FHIT: variants seen among roughly 807,000 people sequenced by gnomAD.
FHIT encodes the protein fragile histidine triad diadenosine triphosphatase.
A neutral mutation model predicts 17.9 loss-of-function variants in FHIT; 19 were observed. The observed-to-expected ratio is 1.06, with a 90% confidence interval of 0.74 to 1.56. The LOEUF is 1.56. FHIT is among the 40% of genes most tolerant of loss of function. The pLI, the probability that FHIT is intolerant of heterozygous loss-of-function variation, is 0.00. For missense variants in FHIT, 248 were observed against 189.2 expected, an observed-to-expected ratio of 1.31 and a Z score of -1.82; for synonymous variants, 81 against 69.7, an observed-to-expected ratio of 1.16 and a Z score of -0.81.
chr3:60,344,028 C>A (rs1333559978), intron 5 of FHIT, among the ~76,000 whole-genome samples: 1 of 152,206 alleles, frequency 6.6e-6, no homozygotes. Flanking sequence ...AGTTATCCAA[C>A]AGAAGCTGGC....
At chr3:60,397,872 G>A (rs144445419) in intron 5 of FHIT, among the ~76,000 whole-genome samples, 19 of 152,048 alleles carry the variant, frequency 1.2e-4, no homozygotes, top group East Asian at 7.7e-4. Flanking sequence ...ACACTGCCAC[G>A]CCCACCTTTG....
chr3:60,896,098 C>T (rs1322833850), intron 3 of FHIT, among the ~76,000 whole-genome samples: 2 of 152,020 alleles, frequency 1.3e-5, no homozygotes, highest in African/African-American at 4.8e-5. Context: ...TTGTGAACTG[C>T]GCATACTCAT....
At chr3:60,124,194 A>G (rs115897554) in intron 5 of FHIT, among the ~76,000 whole-genome samples, 2,903 of 151,006 alleles carry the variant, frequency 0.019, 98 homozygotes, top group African/African-American at 0.066. Context: ...CTGGGATTAC[A>G]GGCATGAACC....
intron 4 of FHIT, among the ~76,000 whole-genome samples, chr3:60,785,598 T>C (rs1553726657): frequency 6.6e-6 from 1 of 152,138 alleles, no homozygotes; most frequent in African/African-American, 2.4e-5. Context: ...AGACAGCAAT[T>C]GAGCTATTCC....
At chr3:60,130,214 C>A (rs1158492732) in intron 5 of FHIT, among the ~76,000 whole-genome samples, 1 of 152,182 alleles carries the variant, frequency 6.6e-6, no homozygotes, top group East Asian at 1.9e-4. Flanking sequence ...TGATACGTGC[C>A]ATGTAATATC....
At chr3:61,092,506 T>A (rs912337851) in intron 2 of FHIT, among the ~76,000 whole-genome samples, 5 of 152,006 alleles carry the variant, frequency 3.3e-5, no homozygotes, top group East Asian at 1.9e-4. Flanking sequence ...CTTAAAAATA[T>A]ATATATATAT....
intron 1 of FHIT, among the ~76,000 whole-genome samples, chr3:61,239,778 T>TATATATATATATATAC: frequency 6.9e-6 from 1 of 144,390 alleles, no homozygotes; most frequent in South Asian, 2.2e-4. Flanking sequence ...TATATATATA[T>TATATATATATATATAC]ATATATACAC....
chr3:60,405,695 C>A (rs538971959), intron 5 of FHIT, among the ~76,000 whole-genome samples: 1 of 152,302 alleles, frequency 6.6e-6, no homozygotes, highest in African/African-American at 2.4e-5. Flanking sequence ...TGCATACCAC[C>A]AAACATCTAG....
chr3:60,509,154 T>A (rs1248365807), intron 5 of FHIT, among the ~76,000 whole-genome samples: 2 of 152,270 alleles, frequency 1.3e-5, no homozygotes, highest in Middle Eastern at 3.4e-3. Context: ...GCCAAACAGA[T>A]GGCGTGCTCC....
In FHIT at chr3:60,109,224, G is replaced by A. The variant is rs147691396; in HGVS notation, c.104-95072C>T. ...TCTCCCCCATCTCATATATTAAAAT[G>A]GGCCTGATTTTCTAACTTCAGCATA... On this transcript the variant is annotated intron_variant, in intron 5 of 9. Transcript: ENST00000492590. Among the ~76,000 whole-genome samples, 832 of 152,212 alleles carry A rather than the reference G, an allele frequency of 5.5e-3. 17 individuals carry two copies. The highest frequency in any genetic ancestry group is 4.5e-3 in the Non-Finnish European group (306 of 68,000).
At chr3:59,980,133 T>G (rs1264529780) in intron 7 of FHIT, among the ~76,000 whole-genome samples, 1 of 152,176 alleles carries the variant, frequency 6.6e-6, no homozygotes, top group Non-Finnish European at 1.5e-5. Flanking sequence ...TCTTACACAT[T>G]AAGTTTGACA....
chr3:60,210,950 C>A (rs1046906988), intron 5 of FHIT, among the ~76,000 whole-genome samples: 2 of 150,824 alleles, frequency 1.3e-5, no homozygotes, highest in Non-Finnish European at 1.5e-5. Flanking sequence ...TTGCACAAAG[C>A]AATTCACTGC....
chr3:60,221,412 G>A (rs1703953204), intron 5 of FHIT, among the ~76,000 whole-genome samples: 1 of 152,110 alleles, frequency 6.6e-6, no homozygotes, highest in Non-Finnish European at 1.5e-5. Context: ...TCCCTTAACA[G>A]AGATGCCTGC....
chr3:60,352,754 C>T (rs137930622), intron 5 of FHIT, among the ~76,000 whole-genome samples: 2,488 of 152,184 alleles, frequency 0.016, 31 homozygotes, highest in Non-Finnish European at 0.027. Flanking sequence ...TTCAAGTGAT[C>T]CTCCCAACCT....
intron 4 of FHIT, among the ~76,000 whole-genome samples, chr3:60,758,230 C>T (rs569134814): frequency 6.6e-6 from 1 of 152,326 alleles, no homozygotes; most frequent in Non-Finnish European, 1.5e-5. Flanking sequence ...TCTCCTATGC[C>T]TCTTTCCTCC....
chr3:60,015,725 C>T (rs565108372), intron 5 of FHIT, among the ~76,000 whole-genome samples: 1 of 152,318 alleles, frequency 6.6e-6, no homozygotes, highest in East Asian at 1.9e-4. Flanking sequence ...TGTTCACACA[C>T]AGCAACTCGG....
intron 5 of FHIT, among the ~76,000 whole-genome samples, chr3:60,175,303 A>C (rs962824250): frequency 2.0e-5 from 3 of 152,150 alleles, no homozygotes; most frequent in African/African-American, 7.2e-5. Flanking sequence ...TATAAAACTA[A>C]TGTGAGTGCC....
intron 5 of FHIT, among the ~76,000 whole-genome samples, chr3:60,411,641 AT>A (rs1490155664): frequency 6.6e-6 from 1 of 152,168 alleles, no homozygotes; most frequent in African/African-American, 2.4e-5. Context: ...ATGTTGGTCT[AT>A]TTTGTGATTG....
At chr3:60,564,472 T>C (rs982589994) in intron 4 of FHIT, among the ~76,000 whole-genome samples, 1 of 152,142 alleles carries the variant, frequency 6.6e-6, no homozygotes, top group East Asian at 1.9e-4. Flanking sequence ...TCATGGACAG[T>C]GACTCCTCTG....
Sources: gnomAD v4.1 joint callset for allele counts (sites outside exome capture counted in the v4.1 genomes callset) on GRCh38, gnomAD v4.1.1 for gene constraint, MANE v1.5 for transcripts, NCBI Gene and HGNC (gene_info 2026-07-23, HGNC 2026-07-21) for gene names.